The following DNAAF1 variants were observed in gnomAD, a reference collection of about 807,000 sequenced individuals.
DNAAF1 encodes dynein axonemal assembly factor 1.
DNAAF1 carries 65 observed loss-of-function variants against 71.1 expected under a neutral mutation model. The ratio of observed to expected loss-of-function variants is 0.91; its 90% CI spans 0.75 to 1.12. The LOEUF is 1.12. Among genes scored for constraint, DNAAF1 ranks in the 50% most tolerant of loss-of-function variants. The pLI is 0.00. For missense variants in DNAAF1, 1,178 were observed against 899.8 expected (o/e 1.31, Z -3.96); for synonymous variants, 414 against 354.6 (o/e 1.17, Z -1.88).
At chr16:84,155,994 G>A (rs906161471) in intron 5 of DNAAF1, among the ~76,000 whole-genome samples, 5 of 151,170 alleles carry the variant, frequency 3.3e-5, no homozygotes, top group South Asian at 2.1e-4. Flanking sequence ...ATAGAGTTTC[G>A]CTCTTCTTGA....
chr16:84,146,562 C>G (rs185310463), intron 1 of DNAAF1, among the ~76,000 whole-genome samples: 6 of 152,126 alleles, frequency 3.9e-5, no homozygotes, highest in South Asian at 4.2e-4. Flanking sequence ...GCTAAAAACA[C>G]AAAAATTAGC....
At chr16:84,163,336 A>G (rs1213630703) in intron 6 of DNAAF1, among the ~76,000 whole-genome samples, 1 of 150,558 alleles carries the variant, frequency 6.6e-6, no homozygotes, top group Non-Finnish European at 1.5e-5. Context: ...TATCCTCACC[A>G]ACACTTCGGG....
At chr16:84,176,454 C>A in intron 11 of DNAAF1, 155 bp downstream of exon 11, 1 of 1,205,758 alleles carries the variant, frequency 8.3e-7, no homozygotes, top group Non-Finnish European at 1.2e-6. Flanking sequence ...AGGTCCCATT[C>A]CTGAGTTCAC....
intron 3 of DNAAF1, among the ~76,000 whole-genome samples, chr16:84,153,981 G>A (rs954613712): frequency 4.6e-5 from 7 of 152,080 alleles, no homozygotes; most frequent in South Asian, 2.1e-4. Context: ...ATCAAAGTTC[G>A]CCTTGCTTGG....
Position 84,177,869 on chromosome 16 carries a change from G to T in DNAAF1, c.*28G>T. On this transcript the variant is annotated 3_prime_UTR_variant, in exon 12 of 12. Transcript: ENST00000378553. ...TTCCCCAGTTATATGTAGCATAAAT[G>T]GTTTAATCATAAATGTCTCCCTTAG... 2 of 1,576,552 alleles carry T rather than the reference G, an allele frequency of 1.3e-6. No individual in the cohort carries two copies. The highest frequency in any genetic ancestry group is 2.2e-5 in the South Asian group (2 of 90,360).
intron 11 of DNAAF1, chr16:84,177,132 GA>G (rs2088740146): frequency 1.1e-5 from 2 of 177,460 alleles, no homozygotes; most frequent in Admixed American, 1.1e-4. Flanking sequence ...TTGCAGGCAG[GA>G]AGCAGGGAGT....
rs1272710098 is a variant in DNAAF1, at chr16:84,155,724, G to A, written c.716G>A (p.Ser239Asn). The A allele has an allele frequency of 3.1e-6, 5 of 1,613,978 alleles. No individual in the cohort carries two copies. In the South Asian group the frequency reaches 5.5e-5, roughly 18 times the overall value. ...HNKLSDPEIL[S>N]ILESMPDLRV... Reference sequence around the variant, plus strand: ...AAGCTGAGTGACCCGGAGATCCTGAGCATTCTGGAAAGCATGCCCGATTTG... The same window carrying A: ...AAGCTGAGTGACCCGGAGATCCTGAACATTCTGGAAAGCATGCCCGATTTG... The change falls in exon 5 of 12, where the codon AGC becomes AAC. Residue 239 changes from serine (S) to asparagine (N), a missense_variant. By Grantham distance (46) the Ser-to-Asn change is conservative. Coordinates refer to ENST00000378553, the MANE Select transcript of DNAAF1 (RefSeq NM_178452.6).
chr16:84,175,913 A>T lies in DNAAF1; in HGVS notation c.1699-20A>T. The T allele has an allele frequency of 6.2e-7, 1 of 1,613,490 alleles. No homozygotes were observed. The highest frequency in any genetic ancestry group is 2.2e-5 in the East Asian group (1 of 44,888). ...GTTGTGAAAACAGAAACTTTCAGACACCTTTTCTTCTGTAAATAGAATATG... is the reference window on the plus strand; with the variant it reads ...GTTGTGAAAACAGAAACTTTCAGACTCCTTTTCTTCTGTAAATAGAATATG... On this transcript the variant is annotated intron_variant, in intron 10 of 11. Transcript: ENST00000378553.
chr16:84,164,208 C>T (rs564920228), intron 6 of DNAAF1, among the ~76,000 whole-genome samples: 26 of 122,040 alleles, frequency 2.1e-4, no homozygotes, highest in African/African-American at 7.0e-4. Context: ...CTATTTGTAA[C>T]GTCTTACATT....
chr16:84,156,052 C>T (rs187064757), intron 5 of DNAAF1, among the ~76,000 whole-genome samples: 1 of 152,268 alleles, frequency 6.6e-6, no homozygotes, highest in Non-Finnish European at 1.5e-5. Context: ...CAACCTCTGC[C>T]TCTGGGTTCA....
intron 7 of DNAAF1, among the ~76,000 whole-genome samples, chr16:84,168,141 A>G (rs1373335997): frequency 3.9e-5 from 6 of 152,104 alleles, no homozygotes; most frequent in African/African-American, 1.2e-4. Context: ...TGGGGGCCCC[A>G]GGGGAGAACC....
chr16:84,153,555 A>C (rs902557070), intron 3 of DNAAF1, among the ~76,000 whole-genome samples: 3 of 152,144 alleles, frequency 2.0e-5, no homozygotes, highest in African/African-American at 7.2e-5. Flanking sequence ...AAAAATGAAA[A>C]CGGATTATCT....
At chr16:84,174,376 A>T in intron 9 of DNAAF1, 1 of 1,309,848 alleles carries the variant, frequency 7.6e-7, no homozygotes, top group Non-Finnish European at 9.8e-7. Flanking sequence ...CCCCAAGATG[A>T]ACTGGCTGTG....
Position 84,155,698 on chromosome 16 carries a change from C to T in DNAAF1, c.690C>T (p.Asn230=), listed in dbSNP as rs764006229. 12 of 1,614,074 alleles carry T rather than the reference C, an allele frequency of 7.4e-6. No homozygotes were observed. The highest frequency in any genetic ancestry group is 1.6e-4 in the Middle Eastern group (1 of 6,084). Residue 230 remains asparagine (N), a synonymous_variant, in exon 5 of 12, where the codon AAC becomes AAT. Coordinates refer to ENST00000378553, the MANE Select transcript of DNAAF1 (RefSeq NM_178452.6). ...TTTGTGTCCTTGACCTTTCGCACAA[C>T]AAGCTGAGTGACCCGGAGATCCTGA... is the stretch of plus-strand genomic sequence containing the variant. ...LRLCVLDLSH[N]KLSDPEILSI... is the part of the protein sequence containing the mutation.
At chr16:84,156,618 A>G (rs562581437) in intron 5 of DNAAF1, among the ~76,000 whole-genome samples, 1 of 152,258 alleles carries the variant, frequency 6.6e-6, no homozygotes, top group East Asian at 1.9e-4. Context: ...TCACTGATGA[A>G]CATTGCCTAG....
At chr16:84,159,321 A>G (rs1273498950) in intron 5 of DNAAF1, 5 of 936,850 alleles carry the variant, frequency 5.3e-6, no homozygotes, top group East Asian at 7.2e-5. Context: ...AAAACAATCA[A>G]TTAGGCAGAG....
At chr16:84,172,130 G>GC in intron 8 of DNAAF1, 130 bp from the exon 9 acceptor site, 6 of 828,122 alleles carry the variant, frequency 7.2e-6, no homozygotes, top group Non-Finnish European at 6.1e-6. Context: ...GCCCACCTTG[G>GC]CCCCCCAAAG....
At chr16:84,172,581 C>A (rs1423665701) in intron 9 of DNAAF1, 1 of 1,398,018 alleles carries the variant, frequency 7.2e-7, no homozygotes, top group African/African-American at 1.4e-5. Flanking sequence ...CATGCACTGC[C>A]CTAGGTGATT....
chr16:84,159,603 G>C (rs2087607341), intron 5 of DNAAF1, 72 bp from the exon 6 acceptor site: 2 of 1,541,116 alleles, frequency 1.3e-6, no homozygotes, highest in African/African-American at 1.4e-5. Context: ...TTTATTCTTA[G>C]TGCACAGCAC....
Sources: allele counts gnomAD v4.1 joint callset (sites outside exome capture counted in the v4.1 genomes callset), GRCh38; gene constraint gnomAD v4.1.1; transcripts MANE v1.5; gene names NCBI Gene and HGNC (gene_info 2026-07-23, HGNC 2026-07-21).